Variants in MGAT5 observed in about 807,000 individuals in gnomAD.
MGAT5 encodes the protein alpha-1,6-mannosylglycoprotein 6-beta-N-acetylglucosaminyltransferase A.
In MGAT5, 30 loss-of-function variants were observed where a neutral mutation model predicts 94.3. The observed-to-expected ratio is 0.32, with a 90% CI of 0.24 to 0.43. The LOEUF (loss-of-function observed/expected upper bound fraction) is 0.43. Ranked by LOEUF, MGAT5 falls within the 20% of genes least tolerant of loss-of-function variation. MGAT5 has a pLI of 1.00. For synonymous variants in MGAT5, 310 were observed against 322.9 expected (o/e 0.96, Z 0.43); for missense variants, 691 against 905.5 (o/e 0.76, Z 3.04).
chr2:134,246,782 T>G (rs1682295428), intron 1 of MGAT5, among the ~76,000 whole-genome samples: 1 of 152,260 alleles, frequency 6.6e-6, no homozygotes, highest in Non-Finnish European at 1.5e-5. Context: ...GCTGGTTTGA[T>G]TCTAACTGGA....
intron 4 of MGAT5, among the ~76,000 whole-genome samples, chr2:134,334,208 C>T (rs886776751): frequency 6.6e-6 from 1 of 152,154 alleles, no homozygotes; most frequent in East Asian, 1.9e-4. Context: ...AGAGGCATTA[C>T]AGTCTTCAGG....
intron 2 of MGAT5, among the ~76,000 whole-genome samples, chr2:134,293,358 G>A (rs1363242615): frequency 6.6e-6 from 1 of 152,226 alleles, no homozygotes; most frequent in Non-Finnish European, 1.5e-5. Flanking sequence ...GCCCACAGAT[G>A]TTAAGAGTAA....
chr2:134,246,167 T>TTAA (rs375231070), intron 1 of MGAT5, among the ~76,000 whole-genome samples: 2 of 130,530 alleles, frequency 1.5e-5, no homozygotes, highest in Non-Finnish European at 3.2e-5. Context: ...TTCCTGTTTA[T>TTAA]AAAAAAAAAA....
chr2:134,292,380 G>T (rs890643089), intron 2 of MGAT5, among the ~76,000 whole-genome samples: 1 of 152,190 alleles, frequency 6.6e-6, no homozygotes, highest in African/African-American at 2.4e-5. Flanking sequence ...GGTCAGTGAA[G>T]GTCAAAGAGG....
intron 1 of MGAT5, among the ~76,000 whole-genome samples, chr2:134,132,108 A>G (rs982899155): frequency 2.0e-5 from 3 of 152,244 alleles, no homozygotes; most frequent in African/African-American, 7.2e-5. Context: ...AGCTCGTATC[A>G]GATGTTTGAA....
intron 8 of MGAT5, among the ~76,000 whole-genome samples, chr2:134,347,184 G>A (rs1358869092): frequency 6.6e-6 from 1 of 152,152 alleles, no homozygotes; most frequent in African/African-American, 2.4e-5. Context: ...AAACTATAAT[G>A]TCAAACCTTC....
intron 2 of MGAT5, among the ~76,000 whole-genome samples, chr2:134,291,120 A>T (rs1685325429): frequency 6.6e-6 from 1 of 152,166 alleles, no homozygotes; most frequent in South Asian, 2.1e-4. Flanking sequence ...AAAAGAGAAA[A>T]TTGCCTGGGA....
chr2:134,281,458 T>C (rs1684690360), intron 2 of MGAT5, among the ~76,000 whole-genome samples: 1 of 152,202 alleles, frequency 6.6e-6, no homozygotes, highest in Non-Finnish European at 1.5e-5. Context: ...GCTCATGTCT[T>C]TTTTGACCCT....
At chr2:134,151,768 G>T (rs1484479569) in intron 1 of MGAT5, among the ~76,000 whole-genome samples, 2 of 130,644 alleles carry the variant, frequency 1.5e-5, no homozygotes, top group Admixed American at 8.0e-5. Context: ...TGTGGGACCC[G>T]CCCACCACCT....
intron 1 of MGAT5, among the ~76,000 whole-genome samples, chr2:134,129,864 G>T (rs912597774): frequency 1.8e-4 from 28 of 152,158 alleles, no homozygotes; most frequent in Non-Finnish European, 2.9e-4. Context: ...CCTTCAGCCC[G>T]CCGCTGCACT....
chr2:134,381,486 T>G (rs1558842172), intron 10 of MGAT5, among the ~76,000 whole-genome samples: 2 of 122,948 alleles, frequency 1.6e-5, no homozygotes, highest in East Asian at 4.7e-4. Context: ...GGTAGAGAAA[T>G]AGACAGACCA....
At chr2:134,376,463 C>T (rs1225345894) in intron 10 of MGAT5, among the ~76,000 whole-genome samples, 3 of 152,092 alleles carry the variant, frequency 2.0e-5, no homozygotes, top group East Asian at 3.9e-4. Flanking sequence ...ACGTTTACTT[C>T]GAAGGAGTTG....
intron 10 of MGAT5, among the ~76,000 whole-genome samples, chr2:134,369,722 T>C (rs1458817613): frequency 7.3e-6 from 1 of 136,098 alleles, no homozygotes; most frequent in Non-Finnish European, 1.6e-5. Context: ...TTTATGGTTT[T>C]TACATTGTGT....
intron 1 of MGAT5, among the ~76,000 whole-genome samples, chr2:134,172,186 A>C (rs531997287): frequency 6.6e-6 from 1 of 152,256 alleles, no homozygotes; most frequent in South Asian, 2.1e-4. Context: ...GAGCAGCCCA[A>C]CCTGGGCCCA....
intron 1 of MGAT5, chr2:134,120,330 G>C: frequency 2.6e-6 from 1 of 389,928 alleles, no homozygotes; most frequent in Non-Finnish European, 4.5e-6. Flanking sequence ...GTCGGAGGGA[G>C]CTCGTCATCC....
chr2:134,378,584 A>G (rs1232917020), intron 10 of MGAT5, among the ~76,000 whole-genome samples: 2 of 151,364 alleles, frequency 1.3e-5, no homozygotes, highest in African/African-American at 4.9e-5. Flanking sequence ...TCAGAACACT[A>G]ATCATATACA....
rs189324257 is a variant in MGAT5, at chr2:134,410,693, T to C, written c.1531-2176T>C. ...GATCTAAAGAAGCTAATTAAATTTTTCCCAAGATTTTCTATTTAAATAGAC... is the reference window on the plus strand; with the variant it reads ...GATCTAAAGAAGCTAATTAAATTTTCCCCAAGATTTTCTATTTAAATAGAC... On this transcript the variant is annotated intron_variant, in intron 11 of 15. Coordinates refer to ENST00000281923, the MANE Select transcript of MGAT5 (RefSeq NM_002410.5). Among the ~76,000 whole-genome samples the C allele has an allele frequency of 4.7e-3, 710 of 152,348 alleles. 5 individuals carry two copies. Among genetic ancestry groups the C allele is most frequent in the African/African-American group, 0.016 (664 of 41,584 alleles).
At chr2:134,198,769 A>T (rs1679622434) in intron 1 of MGAT5, among the ~76,000 whole-genome samples, 1 of 152,212 alleles carries the variant, frequency 6.6e-6, no homozygotes. Flanking sequence ...CCACTTTGGG[A>T]ACCACTGCTT....
chr2:134,173,501 G>T (rs919255529), intron 1 of MGAT5, among the ~76,000 whole-genome samples: 1 of 152,230 alleles, frequency 6.6e-6, no homozygotes, highest in Non-Finnish European at 1.5e-5. Context: ...GCACCCCCTT[G>T]TTCTCAGCTC....
Sources: gnomAD v4.1 joint callset for allele counts (sites outside exome capture counted in the v4.1 genomes callset) on GRCh38, gnomAD v4.1.1 for gene constraint, MANE v1.5 for transcripts, NCBI Gene and HGNC (gene_info 2026-07-23, HGNC 2026-07-21) for gene names.